Variants in ZNF574 observed in about 807,000 individuals in gnomAD.
The protein encoded by ZNF574 is zinc finger protein 574.
In ZNF574, 25 loss-of-function variants were observed where a neutral mutation model predicts 56.6. The ratio of observed to expected loss-of-function variants is 0.44; its 90% CI spans 0.32 to 0.62. The LOEUF (loss-of-function observed/expected upper bound fraction) is 0.62, where lower values mean the gene tolerates loss of function less well. ZNF574 is among the 20% of genes least tolerant of loss of function. ZNF574 has a pLI of 0.04. For synonymous variants in ZNF574, 543 were observed against 492.1 expected (o/e 1.10, Z -1.37); for missense variants, 1,065 against 1,218.9 (o/e 0.87, Z 1.88).
chr19:42,069,771 G>A (rs957638211), intron 1 of ZNF574, among the ~76,000 whole-genome samples: 6 of 151,890 alleles, frequency 4.0e-5, no homozygotes, highest in African/African-American at 1.5e-4. Context: ...CCCCCCTGGA[G>A]CCTGGGCCCT....
chr19:42,075,802 G>A (rs1219973967), upstream of ZNF574, among the ~76,000 whole-genome samples: 1 of 127,464 alleles, frequency 7.8e-6, no homozygotes, highest in Admixed American at 8.5e-5. Context: ...CCCTCACGGC[G>A]TCCCCAAAAT....
In ZNF574 at chr19:42,079,785, A is replaced by G. The variant is rs752929503; in HGVS notation, c.1179A>G (p.Ser393=). 3.1e-5 allele frequency: 50 copies of G among 1,613,946 alleles called. No individual in the cohort carries two copies. The highest frequency in any genetic ancestry group is 1.7e-4 in the Admixed American group (10 of 60,006). ...CCCACACCCCGAATCCTCTGCATTCATGTCCATGTGGGAAGACCTTTGTCA... is the reference window on the plus strand; with the variant it reads ...CCCACACCCCGAATCCTCTGCATTCGTGTCCATGTGGGAAGACCTTTGTCA... ...RRAHTPNPLH[S]CPCGKTFVNL... is the part of the protein sequence containing the mutation. Residue 393 remains serine (S), a synonymous_variant, in exon 2 of 2, where the codon TCA becomes TCG. Coordinates refer to ENST00000359044, the MANE Select transcript of ZNF574 (RefSeq NM_022752.6). This position sits in a 1 kb window ranked among gnomAD's most constrained non-coding sequence, Gnocchi z 4.3.
chr19:42,080,159 C>A lies in ZNF574; in HGVS notation c.1553C>A (p.Thr518Lys). Residue 518 changes from threonine to lysine, a missense_variant, in exon 2 of 2, where the codon ACA (threonine) becomes AAA (lysine). Physicochemically the swap from Thr to Lys is moderately conservative, Grantham distance 78. Coordinates refer to ENST00000359044, the MANE Select transcript of ZNF574 (RefSeq NM_022752.6). This position sits in a 1 kb window ranked among gnomAD's most constrained non-coding sequence, Gnocchi z 8.5. ...SHVRNHLRTH[T>K]GERPFPCPDC... ...GTGCGTAACCACCTGCGCACACACA[C>A]AGGGGAGCGGCCCTTCCCCTGCCCT... 1 of 1,614,064 alleles carries A rather than the reference C, an allele frequency of 6.2e-7. No homozygotes were observed. Among genetic ancestry groups the A allele is most frequent in the Non-Finnish European group, 8.5e-7 (1 of 1,180,036 alleles).
intron 1 of ZNF574, chr19:42,069,067 G>C: frequency 1.3e-4 from 60 of 447,534 alleles, no homozygotes; most frequent in Middle Eastern, 5.8e-4. Context: ...GTGAGAAGAG[G>C]TCGAGGTGAA....
chr19:42,073,359 GTTA>G (rs759669223), upstream of ZNF574, among the ~76,000 whole-genome samples: 6 of 152,080 alleles, frequency 3.9e-5, no homozygotes, highest in African/African-American at 9.7e-5. Flanking sequence ...AGAGATGTTA[GTTA>G]TTATTATTAG....
chr19:42,074,484 AT>A (rs2076443819), upstream of ZNF574, among the ~76,000 whole-genome samples: 4 of 151,262 alleles, frequency 2.6e-5, no homozygotes, highest in Admixed American at 6.6e-5. Context: ...ATAAAATAAA[AT>A]AAAATAAAAT....
chr19:42,074,496 AAAAT>A (rs2076443967), upstream of ZNF574, among the ~76,000 whole-genome samples: 5 of 143,042 alleles, frequency 3.5e-5, no homozygotes, highest in African/African-American at 5.0e-5. Flanking sequence ...AAAATAAAAT[AAAAT>A]AAAAATAAAA....
chr19:42,074,543 C>T (rs1216842300), upstream of ZNF574: 1 of 151,984 alleles, frequency 6.6e-6, no homozygotes, highest in Non-Finnish European at 1.5e-5. Flanking sequence ...TACTCTCTGC[C>T]TCACATGAGA....
chr19:42,074,750 C>T (rs1356338810), upstream of ZNF574: 1 of 152,202 alleles, frequency 6.6e-6, no homozygotes, highest in Non-Finnish European at 1.5e-5. Context: ...ATAGAATTGG[C>T]CCCGGGTCTC....
rs565943396 is a variant in ZNF574 at position 42,080,752 on chromosome 19, G to C, written c.2146G>C (p.Ala716Pro). 2.5e-6 allele frequency: 4 copies of C among 1,613,948 alleles called. No homozygotes were observed. The highest frequency in any genetic ancestry group is 1.3e-5 in the African/African-American group (1 of 75,066). ...CCCACGGGCCACTCGTGCACCAGTT[G>C]CCTCTCCAGCAGCCCTTGGAAGCAC... The part of the protein sequence containing the change: ...RAPRATRAPV[A>P]SPAALGSTAT... The change falls in exon 2 of 2, where the codon GCC becomes CCC. Residue 716 changes from alanine (A) to proline (P), a missense_variant. Physicochemically the swap from Ala to Pro is conservative, Grantham distance 27. Coordinates refer to ENST00000359044, the MANE Select transcript of ZNF574 (RefSeq NM_022752.6). The surrounding 1 kb of genome is among the most constrained non-coding windows in gnomAD (Gnocchi z 8.5).
upstream of ZNF574, among the ~76,000 whole-genome samples, chr19:42,071,323 A>G (rs1250176892): frequency 6.6e-6 from 1 of 151,600 alleles, no homozygotes; most frequent in Non-Finnish European, 1.5e-5. Flanking sequence ...GGGAAGAAAC[A>G]TGACAGTTGG....
Position 42,078,750 on chromosome 19 carries a change from C to T in ZNF574, c.144C>T (p.Gly48=), listed in dbSNP as rs145218592. 4.7e-5 allele frequency: 76 copies of T among 1,614,046 alleles called. No homozygotes were observed. In the African/African-American group the frequency reaches 5.5e-4, roughly 12 times the overall value. The change falls in exon 2 of 2, where the codon GGC becomes GGT. Residue 48 remains glycine, a synonymous_variant. Transcript: ENST00000359044. ...CCCAGCAGCACTTTGAGCTGGTGGG[C>T]GTGGCTGATCCCGGAGTCACTGTGG... ...HVPQQHFELV[G]VADPGVTVAT...
upstream of ZNF574, among the ~76,000 whole-genome samples, chr19:42,071,440 G>A (rs2076421018): frequency 6.6e-6 from 1 of 152,098 alleles, no homozygotes; most frequent in Non-Finnish European, 1.5e-5. Context: ...CGCATGCCTC[G>A]AACACACAGC....
rs751584533 is a variant in ZNF574 at position 42,079,216 on chromosome 19, G to A, written c.610G>A (p.Glu204Lys). Residue 204 changes from glutamate to lysine, a missense_variant, in exon 2 of 2, where the codon GAG becomes AAG. Transcript: ENST00000359044. The surrounding 1 kb of genome is among the most constrained non-coding windows in gnomAD (Gnocchi z 4.3). ...CCCATCTGCCGCTGCCACCACCACT[G>A]AGGTAGTGACTGAGGTGGAGCTGCT... ...TVPSAAATTT[E>K]VVTEVELLLY... The A allele has an allele frequency of 1.9e-6, 3 of 1,614,044 alleles. No individual in the cohort carries two copies. Among genetic ancestry groups the A allele is most frequent in the Non-Finnish European group, 2.5e-6 (3 of 1,180,024 alleles).
At chr19:42,071,270 T>C (rs1427333103), upstream of ZNF574, among the ~76,000 whole-genome samples, 2 of 11,512 alleles carry the variant, frequency 1.7e-4, no homozygotes, top group African/African-American at 7.7e-4. Flanking sequence ...GATCTTGGAG[T>C]GGGGGTGGGT....
chr19:42,074,715 T>G (rs1423815591), upstream of ZNF574: 1 of 152,168 alleles, frequency 6.6e-6, no homozygotes, highest in African/African-American at 2.4e-5. Context: ...ATGAGAAGGT[T>G]AGGACATCTA....
Position 42,081,220 on chromosome 19 carries a change from G to T in ZNF574, c.2614G>T (p.Val872Leu), listed in dbSNP as rs150260263. Reference protein sequence around the residue: ...AVGLAVMETAVEALPLVEAIE... With the variant: ...AVGLAVMETALEALPLVEAIE... The stretch of plus-strand genomic sequence containing the variant: ...TGGCCTGGCCGTCATGGAGACTGCT[G>T]TGGAGGCGCTACCCCTGGTGGAAGC... Residue 872 changes from valine (V) to leucine (L), a missense_variant, in exon 2 of 2, where the codon GTG (valine) becomes TTG (leucine). Coordinates refer to ENST00000359044, the MANE Select transcript of ZNF574 (RefSeq NM_022752.6). 7.9e-5 allele frequency: 128 copies of T among 1,614,026 alleles called. No individual in the cohort carries two copies. Among genetic ancestry groups the T allele is most frequent in the Non-Finnish European group, 1.0e-4 (120 of 1,180,054 alleles).
chr19:42,073,814 C>CAA (rs577928373), upstream of ZNF574, among the ~76,000 whole-genome samples: 2,717 of 32,000 alleles, frequency 0.085, 328 homozygotes, highest in Non-Finnish European at 0.11. Context: ...TAGACTGTCT[C>CAA]AAAAAAAAAA....
intron 1 of ZNF574, among the ~76,000 whole-genome samples, chr19:42,070,128 G>GCCGCCA (rs1191187416): frequency 6.6e-6 from 1 of 152,066 alleles, no homozygotes; most frequent in African/African-American, 2.4e-5. Flanking sequence ...GCCGCTGGCT[G>GCCGCCA]CCGCCACCGC....
Sources: gnomAD v4.1 joint callset for allele counts (sites outside exome capture counted in the v4.1 genomes callset) on GRCh38, gnomAD v4.1.1 for gene constraint, Gnocchi (gnomAD v3.1) non-coding constraint, MANE v1.5 for transcripts, NCBI Gene and HGNC (gene_info 2026-07-23, HGNC 2026-07-21) for gene names.